The following GREM2 variants were observed in gnomAD, a reference collection of about 807,000 sequenced individuals.
The protein encoded by GREM2 is gremlin 2, DAN family BMP antagonist.
A neutral mutation model predicts 14.2 loss-of-function variants in GREM2; 11 were observed. The ratio of observed to expected loss-of-function variants is 0.78; its 90% confidence interval spans 0.49 to 1.28. GREM2 has a LOEUF of 1.28. GREM2 is among the 50% of genes most tolerant of loss of function. GREM2 has a pLI of 0.00. For missense variants in GREM2, 210 were observed against 218.5 expected, an observed-to-expected ratio of 0.96 and a Z score of 0.24; for synonymous variants, 98 against 97.6, an observed-to-expected ratio of 1.00 and a Z score of -0.02.
chr1:240,537,292 G>C (rs776073042), intron 1 of GREM2, among the ~76,000 whole-genome samples: 2 of 152,164 alleles, frequency 1.3e-5, no homozygotes, highest in Non-Finnish European at 2.9e-5. Flanking sequence ...ATCTTTCTTT[G>C]AGATAGAAAA....
chr1:240,489,596 A>G lies in GREM2; in HGVS notation c.*3373T>C, dbSNP rs749584178. ...TCTTAGGCTGCTCTGCCTATGAAGT[A>G]GGCATTCTTTATTCCTTTACTTTCT... is the stretch of plus-strand genomic sequence containing the variant. On this transcript the variant is annotated 3_prime_UTR_variant, in exon 2 of 2. Transcript: ENST00000318160. 4.6e-5 allele frequency: 7 copies of G among 152,264 alleles called. No homozygotes were observed. The highest frequency in any genetic ancestry group is 1.0e-4 in the Non-Finnish European group (7 of 68,040). 9.4% of individuals were successfully genotyped at this position (152,264 alleles called of 1,614,324 possible). A position where few individuals can be genotyped will look rare whatever the true frequency, so the allele number is the denominator to read the frequency against.
At chr1:240,595,215 C>A (rs1241522546) in intron 1 of GREM2, among the ~76,000 whole-genome samples, 3 of 152,112 alleles carry the variant, frequency 2.0e-5, no homozygotes, top group African/African-American at 4.8e-5. Flanking sequence ...ACCTGTAGTC[C>A]CAGCTATTTG....
At chr1:240,575,616 G>C (rs1679355815) in intron 1 of GREM2, among the ~76,000 whole-genome samples, 1 of 151,818 alleles carries the variant, frequency 6.6e-6, no homozygotes, top group African/African-American at 2.4e-5. Context: ...CGCCTCCCGG[G>C]TTCAAGCGAT....
chr1:240,547,265 C>T (rs1408361016), intron 1 of GREM2, among the ~76,000 whole-genome samples: 2 of 151,814 alleles, frequency 1.3e-5, no homozygotes, highest in Non-Finnish European at 2.9e-5. Context: ...CTTTGGGAGG[C>T]CGAGGTGGGC....
rs1678650861 is a variant in GREM2 at position 240,543,666 on chromosome 1, C to A, written c.-1-50190G>T. 1.3e-5 allele frequency among the ~76,000 whole-genome samples: 2 copies of A among 152,076 alleles called. No homozygotes were observed. Among genetic ancestry groups the A allele is most frequent in the South Asian group, 2.1e-4 (1 of 4,824 alleles). On this transcript the variant is annotated intron_variant, in intron 1 of 1. Coordinates refer to ENST00000318160, the MANE Select transcript of GREM2 (RefSeq NM_022469.4). The surrounding 1 kb of genome is among the most constrained non-coding windows in gnomAD (Gnocchi z 6.4). ...TATTTAGTTTTAGGAACAAAGCATA[C>A]CTTTTAAAAAAATTGATGTAAACAC...
At chr1:240,500,595 G>A (rs1012436789) in intron 1 of GREM2, among the ~76,000 whole-genome samples, 5 of 152,038 alleles carry the variant, frequency 3.3e-5, no homozygotes, top group Admixed American at 2.0e-4. Flanking sequence ...GTGAGCTGCC[G>A]TGCCCAGCCG....
chr1:240,600,954 T>A lies in GREM2; in HGVS notation c.-2+10930A>T, dbSNP rs1218575344. On this transcript the variant is annotated intron_variant, in intron 1 of 1. Transcript: ENST00000318160. ...CTTGATTAGCTCTTCCTCCAAATAA[T>A]TATTATTTCCATTTCAAAGATAAAA... 4.6e-5 allele frequency among the ~76,000 whole-genome samples: 7 copies of A among 152,196 alleles called. 1 individual carries two copies. Among genetic ancestry groups the A allele is most frequent in the Non-Finnish European group, 1.0e-4 (7 of 68,020 alleles).
chr1:240,574,074 C>T (rs919561463), intron 1 of GREM2, among the ~76,000 whole-genome samples: 7 of 152,022 alleles, frequency 4.6e-5, no homozygotes, highest in African/African-American at 1.7e-4. Flanking sequence ...GCACCCACCA[C>T]CATACCTGGC....
Position 240,543,263 on chromosome 1 carries a change from C to T in GREM2, c.-1-49787G>A, listed in dbSNP as rs895665625. ...TGTGTTAGGTAATCTATTAGTCTGT[C>T]GTCATGCTGCTAATAAAAAGACATA... On this transcript the variant is annotated intron_variant, in intron 1 of 1. Transcript: ENST00000318160. This position sits in a 1 kb window ranked among gnomAD's most constrained non-coding sequence, Gnocchi z 6.4. Among the ~76,000 whole-genome samples, 30 of 152,140 alleles carry T rather than the reference C, an allele frequency of 2.0e-4. No individual in the cohort carries two copies. The highest frequency in any genetic ancestry group is 3.9e-4 in the East Asian group (2 of 5,192).
chr1:240,533,311 G>A (rs949174974), intron 1 of GREM2, among the ~76,000 whole-genome samples: 4 of 152,182 alleles, frequency 2.6e-5, no homozygotes, highest in Admixed American at 2.6e-4. Context: ...TAGCCAAAGA[G>A]AACAGATCAG....
intron 1 of GREM2, among the ~76,000 whole-genome samples, chr1:240,563,135 A>G (rs533303570): frequency 4.3e-4 from 58 of 134,590 alleles, no homozygotes; most frequent in African/African-American, 1.2e-3. Flanking sequence ...GTGTATGTGT[A>G]TGTGTGTGTG....
chr1:240,554,929 A>T (rs1286800414), intron 1 of GREM2, among the ~76,000 whole-genome samples: 1 of 152,070 alleles, frequency 6.6e-6, no homozygotes, highest in South Asian at 2.1e-4. Context: ...GGATCACCTG[A>T]GCTTAGGAGT....
chr1:240,527,679 C>A (rs1678254132), intron 1 of GREM2, among the ~76,000 whole-genome samples: 3 of 152,126 alleles, frequency 2.0e-5, no homozygotes. Context: ...TATTACACAG[C>A]TAAACTATAA....
chr1:240,596,002 A>C (rs1679813097), intron 1 of GREM2, among the ~76,000 whole-genome samples: 1 of 152,178 alleles, frequency 6.6e-6, no homozygotes, highest in African/African-American at 2.4e-5. Context: ...TGGAAGATTT[A>C]CCTGAGTGCT....
chr1:240,575,094 G>A, intron 1 of GREM2, among the ~76,000 whole-genome samples: 1 of 151,836 alleles, frequency 6.6e-6, no homozygotes, highest in Middle Eastern at 3.4e-3. Flanking sequence ...TGACAAGAGT[G>A]AGACTCTGTC....
chr1:240,531,995 C>T (rs1678373414), intron 1 of GREM2, among the ~76,000 whole-genome samples: 1 of 152,126 alleles, frequency 6.6e-6, no homozygotes, highest in Non-Finnish European at 1.5e-5. Context: ...TAGCCTCTAA[C>T]AAGCTCTTTG....
Position 240,493,192 on chromosome 1 carries a change from C to G in GREM2, c.284G>C (p.Arg95Pro). 6.2e-7 allele frequency: 1 copy of G among 1,614,144 alleles called. No individual in the cohort carries two copies. Among genetic ancestry groups the G allele is most frequent in the Non-Finnish European group, 8.5e-7 (1 of 1,180,028 alleles). ...GGAGTTGCACTGGCCGTAGCAGAAG[C>G]GGTTGAGGATGGTGCGGCTCCGGCA... ...EGCRSRTILN[R>P]FCYGQCNSFY... Residue 95 changes from arginine to proline, a missense_variant, in exon 2 of 2, where the codon CGC becomes CCC. Arg to Pro is a moderately radical substitution (Grantham distance 103). Transcript: ENST00000318160.
chr1:240,574,169 C>T (rs1679312959), intron 1 of GREM2, among the ~76,000 whole-genome samples: 1 of 152,132 alleles, frequency 6.6e-6, no homozygotes, highest in African/African-American at 2.4e-5. Flanking sequence ...ATCTGCCCGC[C>T]TCGGCCTCCC....
At chr1:240,509,360 A>ATT (rs564246660) in intron 1 of GREM2, among the ~76,000 whole-genome samples, 119 of 111,996 alleles carry the variant, frequency 1.1e-3, no homozygotes, top group Non-Finnish European at 1.5e-3. Context: ...AGCTCATTTG[A>ATT]TTTTTTTTTT....
Sources: gnomAD v4.1 joint callset for allele counts (sites outside exome capture counted in the v4.1 genomes callset) on GRCh38, gnomAD v4.1.1 for gene constraint, Gnocchi (gnomAD v3.1) non-coding constraint, MANE v1.5 for transcripts, NCBI Gene and HGNC (gene_info 2026-07-23, HGNC 2026-07-21) for gene names.